ATL1: variants seen among roughly 807,000 people sequenced by gnomAD.
ATL1 encodes atlastin GTPase 1, also known as atlastin-1.
Under a neutral mutation model 75.5 loss-of-function variants are expected in ATL1, and 31 were observed. The ratio of observed to expected loss-of-function variants is 0.41; its 90% confidence interval spans 0.31 to 0.55. ATL1 has a LOEUF of 0.55. ATL1 is among the 20% of genes least tolerant of loss of function. The pLI, the probability that ATL1 is intolerant of heterozygous loss-of-function variation, is 0.27. For synonymous variants in ATL1, 226 were observed against 233.3 expected (o/e 0.97, Z 0.28); for missense variants, 405 against 662.6 (o/e 0.61, Z 4.27).
At chr14:50,596,082 A>G (rs1261922816) in intron 6 of ATL1, among the ~76,000 whole-genome samples, 1 of 152,226 alleles carries the variant, frequency 6.6e-6, no homozygotes, top group Non-Finnish European at 1.5e-5. Context: ...GTGAAGGAAA[A>G]CAAGTGTCTA....
At chr14:50,540,275 C>T (rs1176659542) in intron 1 of ATL1, among the ~76,000 whole-genome samples, 1 of 152,192 alleles carries the variant, frequency 6.6e-6, no homozygotes, top group Non-Finnish European at 1.5e-5. Flanking sequence ...ATGAATAAAA[C>T]CATCAGCGTA....
intron 7 of ATL1, 135 bp downstream of exon 7, chr14:50,613,486 G>T (rs1019281815): frequency 2.8e-6 from 2 of 714,790 alleles, no homozygotes; most frequent in Non-Finnish European, 5.0e-6. Context: ...CACAGGTGAA[G>T]AATTCTTTGT....
chr14:50,536,638 T>C (rs1364853428), intron 1 of ATL1, among the ~76,000 whole-genome samples: 1 of 152,092 alleles, frequency 6.6e-6, no homozygotes, highest in Non-Finnish European at 1.5e-5. Context: ...ATGCTAATAG[T>C]GATATAACAA....
chr14:50,574,731 T>C (rs1051856358), intron 1 of ATL1, among the ~76,000 whole-genome samples: 1 of 151,920 alleles, frequency 6.6e-6, no homozygotes, highest in African/African-American at 2.4e-5. Flanking sequence ...ATATCTTGTA[T>C]AATAGAGCTG....
chr14:50,617,236 C>T (rs2039424156), intron 8 of ATL1, among the ~76,000 whole-genome samples: 1 of 152,136 alleles, frequency 6.6e-6, no homozygotes, highest in Non-Finnish European at 1.5e-5. Flanking sequence ...TTAAGAACTT[C>T]CCAAAAGGAA....
intron 1 of ATL1, among the ~76,000 whole-genome samples, chr14:50,567,929 A>G (rs957960905): frequency 5.9e-5 from 9 of 152,230 alleles, no homozygotes; most frequent in Non-Finnish European, 1.2e-4. Context: ...AGAATGTTCC[A>G]GGTACACAAG....
At chr14:50,629,395 A>T (rs1187547064) in intron 12 of ATL1, among the ~76,000 whole-genome samples, 1 of 152,114 alleles carries the variant, frequency 6.6e-6, no homozygotes, top group Non-Finnish European at 1.5e-5. Context: ...CAGCCTGGCC[A>T]ACATGGAGAA....
chr14:50,629,716 CCACTTTCTGAA>C (rs1241734301), intron 12 of ATL1, among the ~76,000 whole-genome samples: 1 of 152,104 alleles, frequency 6.6e-6, no homozygotes, highest in Non-Finnish European at 1.5e-5. Context: ...ATCCTCTGAG[CCACTTTCTGAA>C]ATAGTCCCTC....
At chr14:50,561,947 A>G (rs1289269326) in intron 1 of ATL1, among the ~76,000 whole-genome samples, 1 of 152,078 alleles carries the variant, frequency 6.6e-6, no homozygotes, top group Admixed American at 6.6e-5. Flanking sequence ...TGTTGTCTCC[A>G]CCCTGTTAAC....
intron 1 of ATL1, among the ~76,000 whole-genome samples, chr14:50,563,590 G>C (rs770382970): frequency 1.3e-5 from 2 of 152,212 alleles, no homozygotes; most frequent in Non-Finnish European, 2.9e-5. Context: ...ATCAGCATGA[G>C]AGCTAAAATT....
intron 3 of ATL1, 106 bp from the exon 4 acceptor site, chr14:50,591,429 G>T: frequency 1.3e-6 from 1 of 754,148 alleles, no homozygotes; most frequent in Non-Finnish European, 2.3e-6. Context: ...ATCTAAAATA[G>T]TATTGATTAA....
chr14:50,619,702 G>A (rs1346762597), intron 8 of ATL1, among the ~76,000 whole-genome samples: 1 of 152,130 alleles, frequency 6.6e-6, no homozygotes, highest in Non-Finnish European at 1.5e-5. Context: ...ATCTGCTTAA[G>A]TGGCCTTTTC....
Position 50,561,566 on chromosome 14 carries a change from T to G in ATL1, c.34+1267T>G, listed in dbSNP as rs530018794. On this transcript the variant is annotated intron_variant, in intron 1 of 13. Transcript: ENST00000358385. ...TTTTAATTGGTTATTTCAGTTTACTTTAATCAAAAGACCGTGTATCTCCTT... is the reference window on the plus strand; with the variant it reads ...TTTTAATTGGTTATTTCAGTTTACTGTAATCAAAAGACCGTGTATCTCCTT... Among the ~76,000 whole-genome samples the G allele has an allele frequency of 3.4e-4, 52 of 152,328 alleles. No homozygotes were observed. In the East Asian group the frequency reaches 4.0e-3, roughly 12 times the overall value.
chr14:50,615,617 A>G (rs910745685), intron 8 of ATL1, among the ~76,000 whole-genome samples: 3 of 152,254 alleles, frequency 2.0e-5, no homozygotes, highest in African/African-American at 7.2e-5. Context: ...AGCAGTAAGC[A>G]TATGGTACAT....
In ATL1 at chr14:50,628,458, A is replaced by G. The variant is rs761752060; in HGVS notation, c.1547A>G (p.Asp516Gly). The change falls in exon 12 of 14, where the codon GAC becomes GGC. Residue 516 changes from aspartate to glycine, a missense_variant. Transcript: ENST00000358385. Reference protein sequence around the residue: ...VIDQVAAALWDQGSTNEALYK... With the variant: ...VIDQVAAALWGQGSTNEALYK... ...GACCAGGTGGCTGCAGCTCTGTGGGACCAGGTAAGAACACCTTTAATTCAC... is the reference window on the plus strand; with the variant it reads ...GACCAGGTGGCTGCAGCTCTGTGGGGCCAGGTAAGAACACCTTTAATTCAC... The G allele has an allele frequency of 6.2e-7, 1 of 1,613,996 alleles. No individual in the cohort carries two copies. Among genetic ancestry groups the G allele is most frequent in the South Asian group, 1.1e-5 (1 of 91,040 alleles).
chr14:50,607,379 A>G (rs2039325302), intron 6 of ATL1, among the ~76,000 whole-genome samples: 1 of 152,054 alleles, frequency 6.6e-6, no homozygotes, highest in Non-Finnish European at 1.5e-5. Flanking sequence ...TGTAGGCGTC[A>G]GGGGCGTGTT....
chr14:50,604,420 G>A (rs1042306000), intron 6 of ATL1, among the ~76,000 whole-genome samples: 4 of 151,912 alleles, frequency 2.6e-5, no homozygotes, highest in Non-Finnish European at 4.4e-5. Flanking sequence ...GAAGTCTAGC[G>A]CACCTACCAT....
At chr14:50,620,512 TG>T in intron 8 of ATL1, 86 bp from the exon 9 acceptor site, 1 of 1,395,320 alleles carries the variant, frequency 7.2e-7, no homozygotes. Flanking sequence ...GGGGAGGAAA[TG>T]GGGGAGATCA....
At chr14:50,588,574 G>C (rs2039124062) in intron 2 of ATL1, among the ~76,000 whole-genome samples, 1 of 152,076 alleles carries the variant, frequency 6.6e-6, no homozygotes, top group Non-Finnish European at 1.5e-5. Flanking sequence ...ATCACTCCAA[G>C]TTATTCTTTG....
Sources: allele counts gnomAD v4.1 joint callset (sites outside exome capture counted in the v4.1 genomes callset), GRCh38; gene constraint gnomAD v4.1.1; transcripts MANE v1.5; gene names NCBI Gene and HGNC (gene_info 2026-07-23, HGNC 2026-07-21).